The following CDH13 variants were observed in gnomAD, a reference collection of about 807,000 sequenced individuals.
CDH13 encodes the protein cadherin-13.
A neutral mutation model predicts 63.8 loss-of-function variants in CDH13; 24 were observed. The observed-to-expected ratio is 0.38, with a 90% CI of 0.27 to 0.53. The LOEUF is 0.53. CDH13 is among the 20% of genes least tolerant of loss of function. The pLI, the probability that CDH13 is intolerant of heterozygous loss-of-function variation, is 0.85. For synonymous variants in CDH13, 503 were observed against 355.3 expected (o/e 1.42, Z -4.67); for missense variants, 1,049 against 903.1 (o/e 1.16, Z -2.07).
At chr16:82,842,147 T>TACATAC (rs1235114442) in intron 1 of CDH13, among the ~76,000 whole-genome samples, 5 of 21,420 alleles carry the variant, frequency 2.3e-4, no homozygotes, top group Admixed American at 5.4e-4. Flanking sequence ...TACACATATA[T>TACATAC]ATATATATAT....
At chr16:83,253,484 G>A (rs189089823) in intron 5 of CDH13, among the ~76,000 whole-genome samples, 24 of 152,182 alleles carry the variant, frequency 1.6e-4, no homozygotes, top group African/African-American at 4.8e-4. Flanking sequence ...AGGCACATTC[G>A]CCACAAGATA....
intron 5 of CDH13, among the ~76,000 whole-genome samples, chr16:83,329,392 A>G (rs1232832682): frequency 7.9e-6 from 1 of 127,248 alleles, no homozygotes; most frequent in Non-Finnish European, 1.7e-5. Flanking sequence ...CACATGGCTA[A>G]TTTTTGTATT....
chr16:82,634,909 T>A (rs898585393), intron 1 of CDH13, among the ~76,000 whole-genome samples: 8 of 152,202 alleles, frequency 5.3e-5, no homozygotes, highest in Non-Finnish European at 1.2e-4. Context: ...TCTACTATGT[T>A]CCAAGCACCA....
At chr16:82,750,628 T>C (rs2034375187) in intron 1 of CDH13, among the ~76,000 whole-genome samples, 1 of 152,212 alleles carries the variant, frequency 6.6e-6, no homozygotes, top group Non-Finnish European at 1.5e-5. Context: ...AAGGAAGACC[T>C]TAAATAATAG....
chr16:83,147,166 A>C (rs1486645085), intron 4 of CDH13, among the ~76,000 whole-genome samples: 2 of 152,212 alleles, frequency 1.3e-5, no homozygotes, highest in East Asian at 3.8e-4. Flanking sequence ...ATGTGTGAAG[A>C]GGTCAAATCC....
chr16:83,589,683 C>G (rs1414569058), intron 7 of CDH13, among the ~76,000 whole-genome samples: 1 of 152,062 alleles, frequency 6.6e-6, no homozygotes, highest in Non-Finnish European at 1.5e-5. Context: ...GATACATGAA[C>G]CTGACATTGA....
intron 6 of CDH13, among the ~76,000 whole-genome samples, chr16:83,437,529 T>C (rs1463089341): frequency 6.6e-6 from 1 of 151,770 alleles, no homozygotes; most frequent in Non-Finnish European, 1.5e-5. Context: ...TACAAAAAAT[T>C]AGCTGGGCGT....
At position 83,041,207 on chromosome 16, in the gene CDH13, A is replaced by AT. The variant is rs549197743; in HGVS notation, c.366+8994dup. Among the ~76,000 whole-genome samples the AT allele has an allele frequency of 2.0e-3, 305 of 152,318 alleles. 1 individual carries two copies. Among genetic ancestry groups the AT allele is most frequent in the Middle Eastern group, 0.017 (5 of 294 alleles). ...TTGCTTCAATTAAATGCAAAAAAAT[A>AT]TTTTTCCCTTTTTTGTCATTACAAG... On this transcript the variant is annotated intron_variant, in intron 3 of 13. Transcript: ENST00000567109.
intron 1 of CDH13, among the ~76,000 whole-genome samples, chr16:82,760,199 A>G (rs1241550507): frequency 6.6e-6 from 1 of 152,168 alleles, no homozygotes; most frequent in Non-Finnish European, 1.5e-5. Flanking sequence ...TGCCAGTTAG[A>G]CATAAGCACC....
In CDH13 at chr16:83,789,325, A is replaced by T. The variant is rs1225551004; in HGVS notation, c.2135-5698A>T. Among the ~76,000 whole-genome samples, 5 of 149,346 alleles carry T rather than the reference A, an allele frequency of 3.3e-5. No individual in the cohort carries two copies. The Admixed American group carries it at 3.4e-4, about 10-fold the overall frequency. On this transcript the variant is annotated intron_variant, in intron 13 of 13. Coordinates refer to ENST00000567109, the MANE Select transcript of CDH13 (RefSeq NM_001257.5). ...GAGGGTGATTTCAAAAAACACTGAA[A>T]TTAGTAGCTTTCTTTTTTTTTGTTT...
chr16:83,023,800 T>G (rs1410914256), intron 2 of CDH13, among the ~76,000 whole-genome samples: 1 of 152,162 alleles, frequency 6.6e-6, no homozygotes, highest in Non-Finnish European at 1.5e-5. Context: ...CATGCACCCT[T>G]TAATAGGAAA....
intron 5 of CDH13, among the ~76,000 whole-genome samples, chr16:83,237,005 A>G (rs2040164252): frequency 1.3e-5 from 2 of 152,128 alleles, no homozygotes; most frequent in African/African-American, 4.8e-5. Context: ...GAGGCCAGAG[A>G]AACTGGACAG....
chr16:83,172,586 CA>C (rs1414882434), intron 4 of CDH13, among the ~76,000 whole-genome samples: 1 of 123,544 alleles, frequency 8.1e-6, no homozygotes, highest in Non-Finnish European at 1.7e-5. Flanking sequence ...AACAAACAAA[CA>C]ACAAGAAAAA....
intron 1 of CDH13, among the ~76,000 whole-genome samples, chr16:82,672,703 A>G (rs895975410): frequency 6.6e-6 from 1 of 151,246 alleles, no homozygotes; most frequent in African/African-American, 2.4e-5. Context: ...TCTCCATAGA[A>G]TTCCTTGTGA....
chr16:83,628,567 C>A (rs1362358497), intron 8 of CDH13, among the ~76,000 whole-genome samples: 1 of 152,202 alleles, frequency 6.6e-6, no homozygotes, highest in Non-Finnish European at 1.5e-5. Flanking sequence ...TGACCTGAGA[C>A]AATAGGCAAT....
At chr16:82,732,395 C>T (rs548551233) in intron 1 of CDH13, among the ~76,000 whole-genome samples, 1 of 152,292 alleles carries the variant, frequency 6.6e-6, no homozygotes, top group Admixed American at 6.5e-5. Flanking sequence ...TATTTGAATT[C>T]AGTTTTGAGG....
intron 2 of CDH13, among the ~76,000 whole-genome samples, chr16:82,891,870 T>C (rs1352364769): frequency 1.3e-5 from 2 of 152,184 alleles, no homozygotes; most frequent in Non-Finnish European, 2.9e-5. Context: ...CCTTAAAGCT[T>C]CCCTATAACC....
intron 1 of CDH13, among the ~76,000 whole-genome samples, chr16:82,734,559 G>T (rs1404925375): frequency 3.3e-5 from 5 of 152,202 alleles, no homozygotes; most frequent in Non-Finnish European, 4.4e-5. Context: ...CTCGCTCTTT[G>T]TGATACATCC....
At chr16:83,277,898 A>G (rs1030704872) in intron 5 of CDH13, among the ~76,000 whole-genome samples, 2 of 152,194 alleles carry the variant, frequency 1.3e-5, no homozygotes, top group Non-Finnish European at 1.5e-5. Context: ...TTTGTTTGCT[A>G]TTGGGCAACA....
Sources: allele counts gnomAD v4.1 joint callset (sites outside exome capture counted in the v4.1 genomes callset), GRCh38; gene constraint gnomAD v4.1.1; transcripts MANE v1.5; gene names NCBI Gene and HGNC (gene_info 2026-07-23, HGNC 2026-07-21).